The following TNS4 variants were observed in gnomAD, a reference collection of about 807,000 sequenced individuals.
TNS4 encodes the protein tensin 4.
A neutral mutation model predicts 70.4 loss-of-function variants in TNS4; 46 were observed. The observed-to-expected ratio is 0.65, with a 90% CI of 0.52 to 0.84. The LOEUF (loss-of-function observed/expected upper bound fraction) is 0.84, where lower values mean the gene tolerates loss of function less well. TNS4 is among the 40% of genes least tolerant of loss of function. The pLI is 0.00. For missense variants in TNS4, 863 were observed against 907.0 expected (o/e 0.95, Z 0.62); for synonymous variants, 390 against 366.6 (o/e 1.06, Z -0.73).
intron 1 of TNS4, among the ~76,000 whole-genome samples, chr17:40,499,977 C>T (rs193013027): frequency 2.0e-5 from 3 of 152,328 alleles, no homozygotes; most frequent in African/African-American, 7.2e-5. Flanking sequence ...CTGGGCAGAC[C>T]TCAGTTGTCC....
Position 40,476,706 on chromosome 17 carries a change from A to G in TNS4, c.*882T>C, listed in dbSNP as rs1214626283. ...ATGGTGAAACCCTGTCTCTACTAAA[A>G]ATACAAAATTAGCTGGGTGAGTTGC... On this transcript the variant is annotated 3_prime_UTR_variant, in exon 13 of 13. Transcript: ENST00000254051. 6.6e-6 allele frequency: 1 copy of G among 151,970 alleles called. No individual in the cohort carries two copies. Among genetic ancestry groups the G allele is most frequent in the African/African-American group, 2.4e-5 (1 of 41,344 alleles). 9.4% of individuals were successfully genotyped at this position (151,970 alleles called of 1,614,324 possible).
Position 40,495,987 on chromosome 17 carries a change from C to T in TNS4, c.439G>A (p.Asp147Asn), listed in dbSNP as rs2036137269. 6.2e-7 allele frequency: 1 copy of T among 1,605,852 alleles called. No individual in the cohort carries two copies. Among genetic ancestry groups the T allele is most frequent in the Non-Finnish European group, 8.5e-7 (1 of 1,176,666 alleles). The change falls in exon 2 of 13, where the codon GAC (aspartate) becomes AAC (asparagine). Residue 147 changes from aspartate (D) to asparagine (N), a missense_variant and splice_region_variant. Asp to Asn is a conservative substitution (Grantham distance 23). Coordinates refer to ENST00000254051, the MANE Select transcript of TNS4 (RefSeq NM_032865.6). Reference sequence around the variant, plus strand: ...CTGGTACTGTGCCCCAAATCCTTACCCAAGGCTTCAGATTCCTCCTTCTTT... The same window carrying T: ...CTGGTACTGTGCCCCAAATCCTTACTCAAGGCTTCAGATTCCTCCTTCTTT... ...MRKKEESEALDIKYIEVTSAR... is the reference protein window; with the variant it reads ...MRKKEESEALNIKYIEVTSAR...
chr17:40,487,498 C>G, intron 3 of TNS4, 38 bp from the exon 4 acceptor site: 2 of 1,563,516 alleles, frequency 1.3e-6, no homozygotes, highest in Non-Finnish European at 1.7e-6. Flanking sequence ...GTTAGGGCAA[C>G]AGGTGGCTCA....
chr17:40,488,425 G>A, intron 3 of TNS4, 121 bp downstream of exon 3: 1 of 894,132 alleles, frequency 1.1e-6, no homozygotes, highest in Non-Finnish European at 1.6e-6. Flanking sequence ...ATTTGCTTCT[G>A]GTTTTGGTGC....
chr17:40,487,174 C>T lies in TNS4; in HGVS notation c.1150G>A (p.Gly384Arg). Reference protein sequence around the residue: ...IVLINGCPEPGSSPPQRTPGH... With the variant: ...IVLINGCPEPRSSPPQRTPGH... ...GGGGTCCGCTGGGGTGGAGAAGACCCTGGTTCTGGGCAGCCGTTGATCAGC... is the reference window on the plus strand; with the variant it reads ...GGGGTCCGCTGGGGTGGAGAAGACCTTGGTTCTGGGCAGCCGTTGATCAGC... Residue 384 changes from glycine (G) to arginine (R), a missense_variant, in exon 4 of 13, where the codon GGG becomes AGG. Transcript: ENST00000254051. The T allele has an allele frequency of 6.2e-7, 1 of 1,614,154 alleles. No homozygotes were observed. The highest frequency in any genetic ancestry group is 8.5e-7 in the Non-Finnish European group (1 of 1,180,008).
In TNS4 at chr17:40,476,430, T is replaced by TGTGTGTGTGTGTG. The variant is rs2035850342; in HGVS notation, c.*1157_*1158insCACACACACACAC. On this transcript the variant is annotated 3_prime_UTR_variant, in exon 13 of 13. Transcript: ENST00000254051. ...TGTGTGTGTGTGTGTGTGTGTGTGT[T>TGTGTGTGTGTGTG]GGAGCGTGGGTTGGGGGAGGGCTCA... 2.1e-5 allele frequency: 1 copy of TGTGTGTGTGTGTG among 46,732 alleles called. No homozygotes were observed. Among genetic ancestry groups the TGTGTGTGTGTGTG allele is most frequent in the Non-Finnish European group, 4.5e-5 (1 of 21,990 alleles). 2.9% of individuals were successfully genotyped at this position (46,732 alleles called of 1,614,324 possible). A position where few individuals can be genotyped will look rare whatever the true frequency, so the allele number is the denominator to read the frequency against.
rs754185101 is a variant in TNS4, at chr17:40,488,659, C to T, written c.750G>A (p.Leu250=). The T allele has an allele frequency of 6.4e-7, 1 of 1,560,526 alleles. No individual in the cohort carries two copies. Among genetic ancestry groups the T allele is most frequent in the South Asian group, 1.2e-5 (1 of 84,818 alleles). ...GCTTCTCCAGTCTTGGAGAAGCCAC[C>T]AGCGGGGAGCCCAAACCATGGGGGC... The part of the protein sequence containing the change: ...ASSPHGLGSP[L]VASPRLEKRL... The change falls in exon 3 of 13, where the codon CTG becomes CTA. Residue 250 remains leucine (L), a synonymous_variant. Coordinates refer to ENST00000254051, the MANE Select transcript of TNS4 (RefSeq NM_032865.6).
chr17:40,501,263 A>G (rs34805313), intron 1 of TNS4, among the ~76,000 whole-genome samples: 1 of 152,152 alleles, frequency 6.6e-6, no homozygotes, highest in Non-Finnish European at 1.5e-5. Flanking sequence ...CCTGGCCAAC[A>G]TGGTGAAACC....
chr17:40,480,940 T>A (rs904849323), intron 8 of TNS4, 172 bp from the exon 9 acceptor site: 4 of 689,976 alleles, frequency 5.8e-6, no homozygotes, highest in Non-Finnish European at 9.7e-6. Flanking sequence ...ACAGGCCACT[T>A]TGGGCTCCCT....
intron 1 of TNS4, among the ~76,000 whole-genome samples, chr17:40,497,558 G>A (rs1480055910): frequency 2.0e-5 from 3 of 152,194 alleles, no homozygotes; most frequent in Non-Finnish European, 2.9e-5. Context: ...AGCCGAGATC[G>A]AGCCAATGCA....
intron 10 of TNS4, 143 bp downstream of exon 10, chr17:40,479,531 G>T: frequency 1.0e-6 from 1 of 969,972 alleles, no homozygotes; most frequent in Non-Finnish European, 1.5e-6. Context: ...AAGCTGCCTG[G>T]AGTCACTCAG....
chr17:40,492,813 A>G (rs765122066), intron 2 of TNS4, among the ~76,000 whole-genome samples: 1 of 151,918 alleles, frequency 6.6e-6, no homozygotes, highest in African/African-American at 2.4e-5. Flanking sequence ...AAGGTGGGCG[A>G]ATCACCGAGG....
chr17:40,500,872 C>T lies in TNS4; in HGVS notation c.-96+662G>A, dbSNP rs148783207. On this transcript the variant is annotated intron_variant, in intron 1 of 12. Transcript: ENST00000254051. The stretch of plus-strand genomic sequence containing the variant: ...CATAGGACCAGTGAAGGCCAGCCGC[C>T]CCATCTCCCAGTCCTGTCTACCTCT... Among the ~76,000 whole-genome samples the T allele has an allele frequency of 5.1e-3, 777 of 152,164 alleles. 3 individuals are homozygous for T. The highest frequency in any genetic ancestry group is 5.1e-3 in the Admixed American group (78 of 15,282).
rs755961053 is a variant in TNS4, at chr17:40,478,572, G to A, written c.1979+8C>T. On this transcript the variant is annotated splice_region_variant and intron_variant, in intron 11 of 12. Coordinates refer to ENST00000254051, the MANE Select transcript of TNS4 (RefSeq NM_032865.6). ...AGCCTTCTTAGTTTGGCCCAGCCTT[G>A]AACTTACTTCCGTTGCTCAGGGTCC... 1 of 1,614,106 alleles carries A rather than the reference G, an allele frequency of 6.2e-7. No individual in the cohort carries two copies. Among genetic ancestry groups the A allele is most frequent in the East Asian group, 2.2e-5 (1 of 44,878 alleles).
intron 3 of TNS4, among the ~76,000 whole-genome samples, chr17:40,488,013 G>A (rs143367859): frequency 5.3e-5 from 8 of 152,360 alleles, no homozygotes; most frequent in African/African-American, 1.7e-4. Flanking sequence ...AGGTGGAGTG[G>A]GAAGCAGAGT....
intron 8 of TNS4, among the ~76,000 whole-genome samples, chr17:40,481,645 C>T (rs554354636): frequency 2.6e-5 from 4 of 152,252 alleles, no homozygotes; most frequent in Admixed American, 6.5e-5. Flanking sequence ...GGATTACAGG[C>T]GTGAGTCACC....
At chr17:40,491,869 A>T (rs1567813258) in intron 2 of TNS4, among the ~76,000 whole-genome samples, 1 of 152,070 alleles carries the variant, frequency 6.6e-6, no homozygotes, top group Non-Finnish European at 1.5e-5. Flanking sequence ...AGAGATACTT[A>T]TTAAATACCC....
At position 40,484,550 on chromosome 17, in the gene TNS4, A is replaced by G; in HGVS notation, c.1435T>C (p.Tyr479His). 1 of 1,612,930 alleles carries G rather than the reference A, an allele frequency of 6.2e-7. No individual in the cohort carries two copies. The highest frequency in any genetic ancestry group is 8.5e-7 in the Non-Finnish European group (1 of 1,180,008). The change falls in exon 6 of 13, where the codon TAC (tyrosine) becomes CAC (histidine). Residue 479 changes from tyrosine to histidine, a missense_variant. Physicochemically the swap from Tyr to His is moderately conservative, Grantham distance 83. Coordinates refer to ENST00000254051, the MANE Select transcript of TNS4 (RefSeq NM_032865.6). ...AGGGCCAGGCCGAAGGAGCCTCGGT[A>G]TGAAGAGCTGTCCCTTATGACAAAA... Reference protein sequence around the residue: ...GAFVIRDSSSYRGSFGLALKV... With the variant: ...GAFVIRDSSSHRGSFGLALKV...
chr17:40,484,426 C>G (rs947263588), intron 6 of TNS4, 58 bp downstream of exon 6: 4 of 1,590,442 alleles, frequency 2.5e-6, no homozygotes, highest in Non-Finnish European at 3.4e-6. Context: ...AGGACTGGAA[C>G]CTACCACACC....
Sources: allele counts gnomAD v4.1 joint callset (sites outside exome capture counted in the v4.1 genomes callset), GRCh38; gene constraint gnomAD v4.1.1; transcripts MANE v1.5; gene names NCBI Gene and HGNC (gene_info 2026-07-23, HGNC 2026-07-21).